SEMA5A: variants seen among roughly 807,000 people sequenced by gnomAD.
SEMA5A encodes the protein semaphorin 5A.
SEMA5A carries 55 observed loss-of-function variants against 135.5 expected under a neutral mutation model. The observed-to-expected ratio is 0.41, with a 90% CI of 0.33 to 0.51. The LOEUF (loss-of-function observed/expected upper bound fraction) is 0.51. Among genes scored for constraint, SEMA5A ranks in the 20% least tolerant of loss-of-function variants. SEMA5A has a pLI of 0.37. For missense variants in SEMA5A, 1,290 were observed against 1,419.9 expected, an observed-to-expected ratio of 0.91 and a Z score of 1.47; for synonymous variants, 580 against 546.5, an observed-to-expected ratio of 1.06 and a Z score of -0.85.
Position 9,224,781 on chromosome 5 carries a change from T to G in SEMA5A, c.539A>C (p.Tyr180Ser). Residue 180 changes from tyrosine (Y) to serine (S), a missense_variant, in exon 8 of 23, where the codon TAT (tyrosine) becomes TCT (serine). By Grantham distance (144) the Tyr-to-Ser change is moderately radical. Around this residue, in one of 3 missense-constraint regions of SEMA5A, gnomAD observed 145 missense variants for 212.0 expected, o/e 0.68. Transcript: ENST00000382496. ...TALLTAGGEL[Y>S]AATAMDFPGR... ...TGGAAAATCCATGGCTGTAGCAGCA[T>G]AGAGCTCCCCACCAGCTGTGAGGAG... 1 of 1,614,180 alleles carries G rather than the reference T, an allele frequency of 6.2e-7. No homozygotes were observed. The highest frequency in any genetic ancestry group is 8.5e-7 in the Non-Finnish European group (1 of 1,180,032).
intron 11 of SEMA5A, 32 bp from the exon 12 acceptor site, chr5:9,154,727 G>T: frequency 6.3e-7 from 1 of 1,582,784 alleles, no homozygotes; most frequent in Non-Finnish European, 8.7e-7. Flanking sequence ...AAGGAAACAA[G>T]GTCAGAGGGT....
In SEMA5A at chr5:9,219,237, C is replaced by A. The variant is rs73046655; in HGVS notation, c.646+5437G>T. On this transcript the variant is annotated intron_variant, in intron 8 of 22. Coordinates refer to ENST00000382496, the MANE Select transcript of SEMA5A (RefSeq NM_003966.3). ...GCATTTCAGATGAGGAAGGCTTGAA[C>A]AAGCACAGAAGTGGAGGAATAAGAA... Among the ~76,000 whole-genome samples, 761 of 152,294 alleles carry A rather than the reference C, an allele frequency of 5.0e-3. 5 individuals are homozygous for A. Among genetic ancestry groups the A allele is most frequent in the African/African-American group, 0.017 (703 of 41,554 alleles).
chr5:9,046,389 T>G (rs1294331952), intron 21 of SEMA5A, among the ~76,000 whole-genome samples: 1 of 152,142 alleles, frequency 6.6e-6, no homozygotes, highest in Non-Finnish European at 1.5e-5. Context: ...CCAGTCTGTC[T>G]CCTCCCCAGG....
At chr5:9,253,903 A>G (rs980051199) in intron 5 of SEMA5A, among the ~76,000 whole-genome samples, 1 of 152,220 alleles carries the variant, frequency 6.6e-6, no homozygotes, top group African/African-American at 2.4e-5. Flanking sequence ...AAACAAAACT[A>G]TTATAGCATG....
chr5:9,337,749 A>T lies in SEMA5A; in HGVS notation c.188T>A (p.Phe63Tyr). The T allele has an allele frequency of 3.7e-6, 6 of 1,612,038 alleles. No individual in the cohort carries two copies. The highest frequency in any genetic ancestry group is 4.5e-5 in the East Asian group (2 of 44,778). The change falls in exon 4 of 23, where the codon TTT becomes TAT. Residue 63 changes from phenylalanine (F) to tyrosine (Y), a missense_variant. Physicochemically the swap from Phe to Tyr is conservative, Grantham distance 22. This residue lies in a region of SEMA5A where 116 missense variants were observed against 121.3 expected (regional missense o/e 0.96). Coordinates refer to ENST00000382496, the MANE Select transcript of SEMA5A (RefSeq NM_003966.3). The stretch of plus-strand genomic sequence containing the variant: ...AACAAGTTCTTTCTGTCCTGGGTCA[A>T]ATGTTAACTGCGAGAAATCCACAGC... The part of the protein sequence containing the change: ...KNAVDFSQLT[F>Y]DPGQKELVVG...
At chr5:9,498,205 C>T (rs1245807821) in intron 1 of SEMA5A, among the ~76,000 whole-genome samples, 2 of 152,196 alleles carry the variant, frequency 1.3e-5, no homozygotes, top group African/African-American at 4.8e-5. Flanking sequence ...AGCCACACCT[C>T]CTCTGTTTGG....
At chr5:9,080,173 ATT>A (rs1197593510) in intron 16 of SEMA5A, among the ~76,000 whole-genome samples, 1 of 152,228 alleles carries the variant, frequency 6.6e-6, no homozygotes, top group Non-Finnish European at 1.5e-5. Context: ...GACAGACTGG[ATT>A]TAAAAAATGT....
At chr5:9,148,496 C>T (rs578159464) in intron 12 of SEMA5A, among the ~76,000 whole-genome samples, 14 of 152,310 alleles carry the variant, frequency 9.2e-5, no homozygotes, top group Non-Finnish European at 1.6e-4. Flanking sequence ...TTATGAGGAA[C>T]TGCTGCAAAA....
chr5:9,285,994 C>T (rs1750776053), intron 5 of SEMA5A, among the ~76,000 whole-genome samples: 1 of 152,088 alleles, frequency 6.6e-6, no homozygotes, highest in Admixed American at 6.6e-5. Flanking sequence ...ATGCTTGTAT[C>T]AAAATACTGC....
At chr5:9,174,884 A>G (rs892509868) in intron 11 of SEMA5A, among the ~76,000 whole-genome samples, 1 of 152,172 alleles carries the variant, frequency 6.6e-6, no homozygotes, top group African/African-American at 2.4e-5. Context: ...GCTTTACTCT[A>G]CAGACCTTTG....
chr5:9,466,022 G>T (rs1273271632), intron 1 of SEMA5A, among the ~76,000 whole-genome samples: 1 of 152,150 alleles, frequency 6.6e-6, no homozygotes, highest in Non-Finnish European at 1.5e-5. Flanking sequence ...TTAAACCAAT[G>T]CTAATTATTG....
At chr5:9,420,154 A>T (rs193102594) in intron 2 of SEMA5A, among the ~76,000 whole-genome samples, 1 of 152,192 alleles carries the variant, frequency 6.6e-6, no homozygotes, top group African/African-American at 2.4e-5. Flanking sequence ...GGTGCTTCAA[A>T]AAATGTACCA....
At chr5:9,422,034 C>A (rs985672137) in intron 2 of SEMA5A, among the ~76,000 whole-genome samples, 4 of 152,000 alleles carry the variant, frequency 2.6e-5, no homozygotes, top group African/African-American at 9.7e-5. Flanking sequence ...CCTTAAGTTG[C>A]CAAAAAGAAG....
At chr5:9,184,191 C>A (rs1560997623) in intron 11 of SEMA5A, among the ~76,000 whole-genome samples, 1 of 151,598 alleles carries the variant, frequency 6.6e-6, no homozygotes, top group Non-Finnish European at 1.5e-5. Flanking sequence ...TATTGCATAA[C>A]CATGTTTCAC....
chr5:9,281,654 T>C (rs1333432533), intron 5 of SEMA5A, among the ~76,000 whole-genome samples: 1 of 152,146 alleles, frequency 6.6e-6, no homozygotes, highest in Non-Finnish European at 1.5e-5. Context: ...TCTGGATTCT[T>C]ATAGACCCCC....
chr5:9,197,724 C>CTGTTTGTATGTGTGTGTG (rs1745473109), intron 9 of SEMA5A, among the ~76,000 whole-genome samples: 2 of 72,438 alleles, frequency 2.8e-5, no homozygotes, highest in African/African-American at 9.6e-5. Flanking sequence ...GCAGGGAAAG[C>CTGTTTGTATGTGTGTGTG]TGTTTGTGTG....
chr5:9,075,719 A>G (rs1201071212), intron 16 of SEMA5A, among the ~76,000 whole-genome samples: 2 of 152,172 alleles, frequency 1.3e-5, no homozygotes, highest in Non-Finnish European at 2.9e-5. Flanking sequence ...AAATGGGTTG[A>G]TGGACATGTT....
intron 15 of SEMA5A, among the ~76,000 whole-genome samples, chr5:9,110,550 G>A (rs1740184338): frequency 6.6e-6 from 1 of 152,308 alleles, no homozygotes; most frequent in Admixed American, 6.5e-5. Context: ...TGGCAACTGT[G>A]TGACTGTATA....
intron 2 of SEMA5A, among the ~76,000 whole-genome samples, chr5:9,436,240 C>A (rs1554035449): frequency 6.6e-6 from 1 of 152,218 alleles, no homozygotes; most frequent in Non-Finnish European, 1.5e-5. Context: ...TATCATATAT[C>A]ATGATAACCG....
Sources: allele counts gnomAD v4.1 joint callset (sites outside exome capture counted in the v4.1 genomes callset), GRCh38; gene constraint gnomAD v4.1.1; regional missense constraint gnomAD v4.1.1; transcripts MANE v1.5; gene names NCBI Gene and HGNC (gene_info 2026-07-23, HGNC 2026-07-21).